DPY30: variants seen among roughly 807,000 people sequenced by gnomAD.
DPY30 encodes protein dpy-30 homolog.
A neutral mutation model predicts 16.2 loss-of-function variants in DPY30; 6 were observed. That is an observed-to-expected ratio of 0.37 (90% confidence interval 0.20 to 0.73). DPY30 has a LOEUF of 0.73. Among genes scored for constraint, DPY30 ranks in the 30% least tolerant of loss-of-function variants. DPY30 has a pLI of 0.51. For missense variants in DPY30, 73 were observed against 113.1 expected (o/e 0.65, Z 1.61); for synonymous variants, 39 against 38.8 (o/e 1.00, Z -0.02).
At chr2:32,032,912 C>T (rs1045988335) in intron 3 of DPY30, among the ~76,000 whole-genome samples, 1 of 151,824 alleles carries the variant, frequency 6.6e-6, no homozygotes, top group Non-Finnish European at 1.5e-5. Flanking sequence ...AGGAGAATTG[C>T]TTGAACCCTG....
Position 32,012,364 on chromosome 2 carries a change from A to G in DPY30, n.378-312T>C, listed in dbSNP as rs531990243. Among the ~76,000 whole-genome samples, 4 of 150,856 alleles carry G rather than the reference A, an allele frequency of 2.7e-5. No homozygotes were observed. In the South Asian group the frequency reaches 6.3e-4, roughly 24 times the overall value. On this transcript the variant is annotated intron_variant and non_coding_transcript_variant, in intron 5 of 5. Transcript: ENST00000414013. ...TCTCCACCAACTTGCACAAAACATA[A>G]TATGCAACAAAAAAAAAATGGACAT...
intron 5 of DPY30, among the ~76,000 whole-genome samples, chr2:32,017,627 AAAAG>A (rs1490564748): frequency 2.0e-5 from 3 of 152,058 alleles, no homozygotes; most frequent in Admixed American, 6.6e-5. Context: ...AAAAAAAAAA[AAAAG>A]AAAAAAGAAA....
At chr2:32,023,687 T>C, downstream of DPY30, 1 of 1,271,608 alleles carries the variant, frequency 7.9e-7, no homozygotes, top group African/African-American at 1.5e-5. Flanking sequence ...CTGTGATACT[T>C]GTTAAGCCAT....
rs941211359 is a variant in DPY30 at position 32,017,564 on chromosome 2, G to A, written n.378-5512C>T. Among the ~76,000 whole-genome samples the A allele has an allele frequency of 4.0e-5, 6 of 150,274 alleles. No individual in the cohort carries two copies. In the South Asian group the frequency reaches 6.3e-4, roughly 16 times the overall value. On this transcript the variant is annotated intron_variant and non_coding_transcript_variant, in intron 5 of 5. Coordinates refer to the DPY30 transcript ENST00000414013. ...TGGGAGGCGGAGGTTGCAGTGAGTC[G>A]AGATAGTGCCATTGCACTCCAGCCT... is the stretch of plus-strand genomic sequence containing the variant.
chr2:32,020,656 A>G (rs1351379608), downstream of DPY30, among the ~76,000 whole-genome samples: 1 of 152,176 alleles, frequency 6.6e-6, no homozygotes, highest in African/African-American at 2.4e-5. Flanking sequence ...TTAAATATAT[A>G]CAGCTTTTTG....
rs1191861652 is a variant in DPY30, at chr2:32,014,157, G to A, written n.378-2105C>T. 4.6e-5 allele frequency among the ~76,000 whole-genome samples: 7 copies of A among 152,080 alleles called. No homozygotes were observed. The South Asian group carries it at 1.2e-3, about 27-fold the overall frequency. Reference sequence around the variant, plus strand: ...CACAATGTCCACCAATGTGAAACTTGTTAAACTAGGATATACATACGCACC... The same window carrying A: ...CACAATGTCCACCAATGTGAAACTTATTAAACTAGGATATACATACGCACC... On this transcript the variant is annotated intron_variant and non_coding_transcript_variant, in intron 5 of 5. Coordinates refer to the DPY30 transcript ENST00000414013.
intron 4 of DPY30, 80 bp downstream of exon 4, chr2:32,029,514 A>C: frequency 6.5e-7 from 1 of 1,535,440 alleles, no homozygotes; most frequent in Non-Finnish European, 8.9e-7. Flanking sequence ...AAAAGTCGCT[A>C]TACATAACTA....
At chr2:32,012,419 C>CTTTTTTTTTTTTT (rs397984233) in intron 5 of DPY30, among the ~76,000 whole-genome samples, 6 of 81,654 alleles carry the variant, frequency 7.3e-5, no homozygotes, top group African/African-American at 1.4e-4. Context: ...TCTCTTTTTT[C>CTTTTTTTTTTTTT]TTTTTTTTTT....
At chr2:32,016,939 A>G (rs939534683) in intron 5 of DPY30, among the ~76,000 whole-genome samples, 12 of 151,962 alleles carry the variant, frequency 7.9e-5, no homozygotes, top group Non-Finnish European at 1.5e-4. Context: ...CTGGAGTGCA[A>G]TGGCGCGATC....
At chr2:32,028,112 CTTT>C (rs1159330100) in intron 4 of DPY30, among the ~76,000 whole-genome samples, 18 of 136,146 alleles carry the variant, frequency 1.3e-4, no homozygotes, top group Admixed American at 2.2e-4. Context: ...GATATATTTC[CTTT>C]TTTTTTTTTT....
In DPY30 at chr2:32,039,462, A is replaced by T. The variant is rs1255725520; in HGVS notation, c.-6T>A. The T allele has an allele frequency of 6.2e-7, 1 of 1,613,836 alleles. No homozygotes were observed. Among genetic ancestry groups the T allele is most frequent in the Non-Finnish European group, 8.5e-7 (1 of 1,180,000 alleles). On this transcript the variant is annotated 5_prime_UTR_variant, in exon 2 of 5. Transcript: ENST00000342166. ...AGCATCTGCTCTGGCTCCATGGCGG[A>T]CCCTGCAAGTCACAGTCCCCGGATA...
At chr2:32,038,409 A>AGG (rs70964748) in intron 3 of DPY30, among the ~76,000 whole-genome samples, 905 of 34,312 alleles carry the variant, frequency 0.026, 36 homozygotes, top group East Asian at 0.034. Flanking sequence ...CCTTATTTTG[A>AGG]GGGGGGGGGG....
intron 3 of DPY30, among the ~76,000 whole-genome samples, chr2:32,036,861 T>A (rs1346471296): frequency 6.6e-6 from 1 of 151,748 alleles, no homozygotes; most frequent in Non-Finnish European, 1.5e-5. Flanking sequence ...AGAGCGAGAC[T>A]CTGTTTCAAA....
intron 3 of DPY30, among the ~76,000 whole-genome samples, chr2:32,038,992 C>T (rs1675861800): frequency 6.6e-6 from 1 of 152,006 alleles, no homozygotes; most frequent in African/African-American, 2.4e-5. Flanking sequence ...TAGCAACATC[C>T]CAAAAGATCG....
chr2:32,030,502 C>T (rs1329319634), intron 3 of DPY30, among the ~76,000 whole-genome samples: 2 of 151,882 alleles, frequency 1.3e-5, no homozygotes, highest in East Asian at 3.9e-4. Flanking sequence ...TGGTGGCAGG[C>T]GCCTGTAGTC....
rs186298620 is a variant in DPY30 at position 32,014,265 on chromosome 2, T to C, written n.378-2213A>G. On this transcript the variant is annotated intron_variant and non_coding_transcript_variant, in intron 5 of 5. Coordinates refer to the DPY30 transcript ENST00000414013. ...TGGAAGGCTGAGGCAGGAGGATCAC[T>C]TGAGGCCAGGAGTTCGAGACCAGCC... Among the ~76,000 whole-genome samples, 1,115 of 151,934 alleles carry C rather than the reference T, an allele frequency of 7.3e-3. 15 individuals carry two copies. The highest frequency in any genetic ancestry group is 0.026 in the African/African-American group (1,078 of 41,462).
At chr2:32,018,310 A>G (rs1572987158) in intron 5 of DPY30, among the ~76,000 whole-genome samples, 1 of 152,218 alleles carries the variant, frequency 6.6e-6, no homozygotes, top group Non-Finnish European at 1.5e-5. Context: ...AAATTTTTAG[A>G]CCATGCATCA....
chr2:32,011,724 T>A (rs1423655715), downstream of DPY30, among the ~76,000 whole-genome samples: 2 of 152,220 alleles, frequency 1.3e-5, no homozygotes, highest in African/African-American at 4.8e-5. Context: ...GAAAGTTGCA[T>A]ACATCCAATG....
chr2:32,013,179 A>C (rs925026341), intron 5 of DPY30: 3 of 152,226 alleles, frequency 2.0e-5, no homozygotes, highest in South Asian at 2.1e-4. Context: ...AAGGTATGTT[A>C]AAATGCTTCA....
Sources: gnomAD v4.1 joint callset for allele counts (sites outside exome capture counted in the v4.1 genomes callset) on GRCh38, gnomAD v4.1.1 for gene constraint, MANE v1.5 for transcripts, NCBI Gene and HGNC (gene_info 2026-07-23, HGNC 2026-07-21) for gene names.